The following ZNF638 variants were observed in gnomAD, a reference collection of about 807,000 sequenced individuals.
ZNF638 encodes the protein CTCL tumor antigen se33-1.
A neutral mutation model predicts 195.6 loss-of-function variants in ZNF638; 46 were observed. The observed-to-expected ratio is 0.24, with a 90% confidence interval of 0.19 to 0.30. The LOEUF (loss-of-function observed/expected upper bound fraction) is 0.30, where lower values mean the gene tolerates loss of function less well. Among genes scored for constraint, ZNF638 ranks in the 10% least tolerant of loss-of-function variants. ZNF638 has a pLI of 1.00. For synonymous variants in ZNF638, 845 were observed against 772.0 expected (o/e 1.09, Z -1.57); for missense variants, 2,440 against 2,325.3 (o/e 1.05, Z -1.01).
At chr2:71,404,945 TC>T (rs2080076734) in intron 17 of ZNF638, among the ~76,000 whole-genome samples, 3 of 152,268 alleles carry the variant, frequency 2.0e-5, no homozygotes, top group Admixed American at 2.0e-4. Flanking sequence ...TTATATCCTT[TC>T]TAGAGGCAGG....
chr2:71,335,867 T>C (rs1354354520), intron 1 of ZNF638, among the ~76,000 whole-genome samples: 1 of 152,162 alleles, frequency 6.6e-6, no homozygotes, highest in Non-Finnish European at 1.5e-5. Flanking sequence ...CCCCCATGCA[T>C]ATGTGGTAAA....
intron 20 of ZNF638, among the ~76,000 whole-genome samples, chr2:71,409,090 A>G (rs1326548415): frequency 1.3e-5 from 2 of 152,178 alleles, no homozygotes; most frequent in Non-Finnish European, 2.9e-5. Flanking sequence ...CTGACTGTAC[A>G]GAAATCCTTA....
intron 10 of ZNF638, chr2:71,393,588 G>A (rs971550418): frequency 5.6e-6 from 4 of 717,936 alleles, no homozygotes; most frequent in African/African-American, 5.2e-5. Flanking sequence ...AGCAAATCCT[G>A]CTCCAGACAC....
At chr2:71,390,186 C>G (rs1213047473) in intron 10 of ZNF638, among the ~76,000 whole-genome samples, 1 of 152,172 alleles carries the variant, frequency 6.6e-6, no homozygotes, top group East Asian at 1.9e-4. Flanking sequence ...CCTAAGTAAT[C>G]AGGTGGGAAA....
Position 71,349,481 on chromosome 2 carries a change from A to G in ZNF638, c.527A>G (p.Asp176Gly), listed in dbSNP as rs1255661308. ...GAAAATATGCCATTAATTTTGAGGG[A>G]TATAAGAATGCGAAAAATGGGGCGC... ...TPENMPLILR[D>G]IRMRKMGRRL... is the part of the protein sequence containing the mutation. The change falls in exon 2 of 28, where the codon GAT becomes GGT. Residue 176 changes from aspartate to glycine, a missense_variant. Coordinates refer to ENST00000264447, the MANE Select transcript of ZNF638 (RefSeq NM_014497.5). 6.2e-7 allele frequency: 1 copy of G among 1,614,150 alleles called. No homozygotes were observed. The highest frequency in any genetic ancestry group is 8.5e-7 in the Non-Finnish European group (1 of 1,180,030).
In ZNF638 at chr2:71,365,569, G is replaced by T; in HGVS notation, c.1858G>T (p.Val620Phe). ...AACTAGCAGTGGAACAAAACCATCA[G>T]TTAAACCTACAAGCGCTACAAAGAG... The part of the protein sequence containing the change: ...PKTSSGTKPS[V>F]KPTSATKSDS... The change falls in exon 6 of 28, where the codon GTT (valine) becomes TTT (phenylalanine). Residue 620 changes from valine to phenylalanine, a missense_variant. Physicochemically the swap from Val to Phe is conservative, Grantham distance 50. This residue lies in a region of ZNF638 where 1,883 missense variants were observed against 1,739.1 expected (regional missense o/e 1.08). Coordinates refer to ENST00000264447, the MANE Select transcript of ZNF638 (RefSeq NM_014497.5). 2 of 1,614,132 alleles carry T rather than the reference G, an allele frequency of 1.2e-6. No homozygotes were observed. The highest frequency in any genetic ancestry group is 1.7e-6 in the Non-Finnish European group (2 of 1,180,016).
In ZNF638 at chr2:71,434,859, T is replaced by G. The variant is rs1558892926; in HGVS notation, c.*52T>G. 5 of 1,446,776 alleles carry G rather than the reference T, an allele frequency of 3.5e-6. No homozygotes were observed. Among genetic ancestry groups the G allele is most frequent in the Non-Finnish European group, 4.7e-6 (5 of 1,064,000 alleles). 89.6% of individuals were successfully genotyped at this position (1,446,776 alleles called of 1,614,324 possible). On this transcript the variant is annotated 3_prime_UTR_variant, in exon 28 of 28. Coordinates refer to ENST00000264447, the MANE Select transcript of ZNF638 (RefSeq NM_014497.5). Reference sequence around the variant, plus strand: ...AAATTTGTTTAGGGTCCAGTTGATTTGTGTATTTTTGTTATCATTTAATTT... The same window carrying G: ...AAATTTGTTTAGGGTCCAGTTGATTGGTGTATTTTTGTTATCATTTAATTT...
At chr2:71,388,201 T>C (rs1487572915) in intron 10 of ZNF638, among the ~76,000 whole-genome samples, 1 of 152,164 alleles carries the variant, frequency 6.6e-6, no homozygotes, top group African/African-American at 2.4e-5. Flanking sequence ...GAATAAAGGC[T>C]GAAGGCAGCT....
At chr2:71,375,434 C>T (rs1463471910) in intron 8 of ZNF638, 1 of 152,304 alleles carries the variant, frequency 6.6e-6, no homozygotes, top group Non-Finnish European at 1.5e-5. Flanking sequence ...AAGATGGTTT[C>T]TGCACCTTCT....
chr2:71,402,206 G>C, intron 16 of ZNF638, 119 bp downstream of exon 16: 2 of 1,055,562 alleles, frequency 1.9e-6, no homozygotes, highest in Non-Finnish European at 2.6e-6. Context: ...AAACTTTCAA[G>C]CTAAGGGATT....
chr2:71,375,765 T>G (rs2079409750), intron 8 of ZNF638: 2 of 152,236 alleles, frequency 1.3e-5, no homozygotes, highest in African/African-American at 4.8e-5. Context: ...CAAATGATTT[T>G]GAAGGCAAAG....
intron 2 of ZNF638, among the ~76,000 whole-genome samples, chr2:71,352,859 G>T (rs909087504): frequency 6.6e-6 from 1 of 152,094 alleles, no homozygotes; most frequent in Non-Finnish European, 1.5e-5. Flanking sequence ...TAGGATAAAA[G>T]TAAAAATTTG....
At chr2:71,333,534 TA>T (rs2078610305) in intron 1 of ZNF638, among the ~76,000 whole-genome samples, 1 of 152,210 alleles carries the variant, frequency 6.6e-6, no homozygotes. Context: ...TACTGTAGTT[TA>T]AAAAAGTCAT....
chr2:71,397,679 A>T (rs1316520100), intron 11 of ZNF638, among the ~76,000 whole-genome samples: 1 of 152,134 alleles, frequency 6.6e-6, no homozygotes, highest in African/African-American at 2.4e-5. Context: ...CTTTTTCCTC[A>T]TCCATTCTCG....
chr2:71,401,872 A>C (rs1433564549), intron 15 of ZNF638, 84 bp from the exon 16 acceptor site: 5 of 1,188,174 alleles, frequency 4.2e-6, no homozygotes, highest in Non-Finnish European at 5.8e-6. Context: ...ACAATATACT[A>C]ATATAACATG....
intron 3 of ZNF638, chr2:71,361,567 A>T (rs1478847066): frequency 6.6e-6 from 1 of 152,224 alleles, no homozygotes; most frequent in African/African-American, 2.4e-5. Context: ...AGATGAAACA[A>T]AATTATCCAT....
chr2:71,367,751 T>TAAA (rs1553471477), intron 6 of ZNF638, among the ~76,000 whole-genome samples: 103 of 149,468 alleles, frequency 6.9e-4, no homozygotes, highest in African/African-American at 1.6e-3. Flanking sequence ...TTTTTTTTTT[T>TAAA]AAAAATATAG....
chr2:71,370,156 A>C, intron 8 of ZNF638, 151 bp downstream of exon 8: 1 of 870,178 alleles, frequency 1.1e-6, no homozygotes. Context: ...GTTGAAATTA[A>C]AACTTCCTCA....
chr2:71,357,043 G>A (rs1208912882), intron 3 of ZNF638, among the ~76,000 whole-genome samples: 1 of 152,136 alleles, frequency 6.6e-6, no homozygotes, highest in Non-Finnish European at 1.5e-5. Flanking sequence ...GGCATTTCTA[G>A]GAGTTTTTTT....
Sources: gnomAD v4.1 joint callset for allele counts (sites outside exome capture counted in the v4.1 genomes callset) on GRCh38, gnomAD v4.1.1 for gene constraint, gnomAD v4.1.1 regional missense constraint, MANE v1.5 for transcripts, NCBI Gene and HGNC (gene_info 2026-07-23, HGNC 2026-07-21) for gene names.